The following MTUS1 variants were observed in gnomAD, a reference collection of about 807,000 sequenced individuals.
The protein encoded by MTUS1 is microtubule associated scaffold protein 1, also known as microtubule-associated tumor suppressor 1.
A neutral mutation model predicts 120.8 loss-of-function variants in MTUS1; 109 were observed. That is an observed-to-expected ratio of 0.90 (90% CI 0.77 to 1.06). The LOEUF (loss-of-function observed/expected upper bound fraction) is 1.06, where lower values mean the gene tolerates loss of function less well. MTUS1 is among the 50% of genes least tolerant of loss of function. The pLI is 0.00. For missense variants in MTUS1, 2,210 were observed against 1,486.3 expected (o/e 1.49, Z -8.01); for synonymous variants, 737 against 550.5 (o/e 1.34, Z -4.74).
rs61748836 is a variant in MTUS1 at position 17,684,434 on chromosome 8, T to G, written c.2732A>C (p.Lys911Thr). The change falls in exon 7 of 15, where the codon AAA becomes ACA. Residue 911 changes from lysine (K) to threonine (T), a missense_variant. Physicochemically the swap from Lys to Thr is moderately conservative, Grantham distance 78. Coordinates refer to ENST00000693296, the MANE Select transcript of MTUS1 (RefSeq NM_001363059.2). ...KTLELTQYKT[K>T]CENQSGFILQ... ...GATAAATCCACTTTGGTTTTCACAT[T>G]TTGTTTTATATTGCGTCAATTCAAG... is the stretch of plus-strand genomic sequence containing the variant. 9.5e-3 allele frequency: 15,282 copies of G among 1,614,188 alleles called. 100 individuals are homozygous for G. Among genetic ancestry groups the G allele is most frequent in the Middle Eastern group, 0.022 (132 of 6,062 alleles).
intron 3 of MTUS1, among the ~76,000 whole-genome samples, chr8:17,730,895 G>C (rs950555599): frequency 3.3e-5 from 5 of 152,232 alleles, no homozygotes; most frequent in Non-Finnish European, 7.4e-5. Context: ...TGGATATGGA[G>C]GATGGCTGCA....
chr8:17,717,827 G>C (rs957788663), intron 4 of MTUS1, among the ~76,000 whole-genome samples: 2 of 152,054 alleles, frequency 1.3e-5, no homozygotes, highest in Non-Finnish European at 2.9e-5. Flanking sequence ...TACAACACTA[G>C]ATCAACCCGG....
Position 17,755,924 on chromosome 8 carries a change from G to C in MTUS1, c.-117C>G. The C allele has an allele frequency of 6.9e-7, 1 of 1,457,542 alleles. No individual in the cohort carries two copies. 90.3% of individuals were successfully genotyped at this position (1,457,542 alleles called of 1,614,324 possible). On this transcript the variant is annotated 5_prime_UTR_variant, in exon 2 of 15. Transcript: ENST00000693296. ...TTTCAGCACAGTTGAAAGGTTTTCA[G>C]TCTAAGATGCTCTGAAGATTAAATG...
At chr8:17,748,736 G>GAATA (rs113104791) in intron 2 of MTUS1, among the ~76,000 whole-genome samples, 17,812 of 152,172 alleles carry the variant, frequency 0.12, 1,216 homozygotes, top group South Asian at 0.21. Context: ...ATGGCGGGCT[G>GAATA]AATGGGGCAC....
chr8:17,714,517 A>G (rs1180478432), intron 5 of MTUS1, among the ~76,000 whole-genome samples: 2 of 152,218 alleles, frequency 1.3e-5, no homozygotes, highest in East Asian at 3.8e-4. Context: ...GGTTCATCTC[A>G]GTATTAATAA....
chr8:17,765,356 T>G (rs2049394737), intron 1 of MTUS1, among the ~76,000 whole-genome samples: 4 of 152,084 alleles, frequency 2.6e-5, no homozygotes, highest in Admixed American at 2.6e-4. Flanking sequence ...TGGCTGGGCA[T>G]GGTGGCTCAT....
chr8:17,735,196 T>G (rs2046843471), intron 3 of MTUS1, among the ~76,000 whole-genome samples: 1 of 152,102 alleles, frequency 6.6e-6, no homozygotes, highest in Admixed American at 6.6e-5. Flanking sequence ...GTCTGTAGCC[T>G]CCTCCAATTT....
rs371914626 is a variant in MTUS1, at chr8:17,713,217, C to T, written c.2620G>A (p.Ala874Thr). The T allele has an allele frequency of 1.3e-6, 2 of 1,596,262 alleles. No individual in the cohort carries two copies. Among genetic ancestry groups the T allele is most frequent in the Admixed American group, 3.4e-5 (2 of 58,954 alleles). Residue 874 changes from alanine to threonine, a missense_variant, in exon 6 of 15, where the codon GCA becomes ACA. Coordinates refer to ENST00000693296, the MANE Select transcript of MTUS1 (RefSeq NM_001363059.2). The stretch of plus-strand genomic sequence containing the variant: ...CATCCATAAAGTGGTCACTCACCTG[C>T]ATTAAGAGCTGTAAATAAATTTTTT... ...SRKNLFTALN[A>T]VEKSRQKNPR...
chr8:17,706,150 A>G (rs1296278491), intron 6 of MTUS1: 3 of 152,216 alleles, frequency 2.0e-5, no homozygotes, highest in African/African-American at 7.2e-5. Flanking sequence ...ATAAGCCCCT[A>G]GAATTATAAA....
At chr8:17,760,552 CAA>C (rs2048964816) in intron 1 of MTUS1, among the ~76,000 whole-genome samples, 1 of 152,108 alleles carries the variant, frequency 6.6e-6, no homozygotes, top group African/African-American at 2.4e-5. Flanking sequence ...AGGAGTTTGT[CAA>C]AAGAGTTAAA....
chr8:17,777,452 G>C (rs1043574603), intron 1 of MTUS1, among the ~76,000 whole-genome samples: 1 of 107,232 alleles, frequency 9.3e-6, no homozygotes. Flanking sequence ...AAAAGAAAAA[G>C]AAAAAAAAAA....
At chr8:17,682,897 G>A (rs1328107756) in intron 7 of MTUS1, among the ~76,000 whole-genome samples, 1 of 148,744 alleles carries the variant, frequency 6.7e-6, no homozygotes, top group East Asian at 2.0e-4. Flanking sequence ...AAAACCCTAA[G>A]TAGTCTCCAA....
At chr8:17,707,558 C>G (rs931204616) in intron 6 of MTUS1, among the ~76,000 whole-genome samples, 1 of 152,108 alleles carries the variant, frequency 6.6e-6, no homozygotes, top group Non-Finnish European at 1.5e-5. Context: ...TCTATAGATT[C>G]AATGTAACAG....
At position 17,742,286 on chromosome 8, in the gene MTUS1, TTG is replaced by T. The variant is rs796397130; in HGVS notation, c.2287+1316_2287+1317del. On this transcript the variant is annotated intron_variant, in intron 3 of 14. Transcript: ENST00000693296. ...GCCCAGCTGTTTTTTTTTTTTGTTG[TTG>T]TTGTTTTTTTTTTTTTTTTTTTTAG... is the stretch of plus-strand genomic sequence containing the variant. Among the ~76,000 whole-genome samples, 66 of 79,004 alleles carry T rather than the reference TTG, an allele frequency of 8.4e-4. 1 individual carries two copies. Among genetic ancestry groups the T allele is most frequent in the African/African-American group, 4.3e-3 (64 of 14,926 alleles). 51.8% of individuals were successfully genotyped at this position (79,004 alleles called of 152,430 possible). A position where few individuals can be genotyped will look rare whatever the true frequency, so the allele number is the denominator to read the frequency against.
intron 6 of MTUS1, among the ~76,000 whole-genome samples, chr8:17,712,244 T>C (rs1281985404): frequency 6.6e-6 from 1 of 152,156 alleles, no homozygotes; most frequent in Non-Finnish European, 1.5e-5. Flanking sequence ...CTGCCATGGA[T>C]TTAGAAGGCA....
intron 1 of MTUS1, among the ~76,000 whole-genome samples, chr8:17,797,447 T>TAGA (rs138242783): frequency 0.8 from 121,042 of 151,300 alleles, 48,756 homozygotes; most frequent in Non-Finnish European, 0.86. Context: ...AATAAAAAGT[T>TAGA]AGAAGAAATT....
At chr8:17,698,614 G>C (rs1818433555) in intron 6 of MTUS1, among the ~76,000 whole-genome samples, 1 of 152,124 alleles carries the variant, frequency 6.6e-6, no homozygotes, top group Admixed American at 6.5e-5. Context: ...ACACTATTAA[G>C]TGCTATTAAA....
chr8:17,657,820 C>T (rs1030611674), intron 8 of MTUS1, among the ~76,000 whole-genome samples: 3 of 112,924 alleles, frequency 2.7e-5, no homozygotes, highest in African/African-American at 9.4e-5. Flanking sequence ...AAAAAAAAAG[C>T]AATATAAAAT....
In MTUS1 at chr8:17,697,222, G is replaced by A. The variant is rs544322236; in HGVS notation, c.2624-12680C>T. ...CTGCAAATTAATGAAGACATCCCCC[G>A]TGCAACACTAAACAGAGATCTATGC... On this transcript the variant is annotated intron_variant, in intron 6 of 14. Coordinates refer to ENST00000693296, the MANE Select transcript of MTUS1 (RefSeq NM_001363059.2). 39 of 1,567,320 alleles carry A rather than the reference G, an allele frequency of 2.5e-5. 1 individual carries two copies. The South Asian group carries it at 3.1e-4, about 12-fold the overall frequency.
Sources: gnomAD v4.1 joint callset for allele counts (sites outside exome capture counted in the v4.1 genomes callset) on GRCh38, gnomAD v4.1.1 for gene constraint, MANE v1.5 for transcripts, NCBI Gene and HGNC (gene_info 2026-07-23, HGNC 2026-07-21) for gene names.